Variants in NPR3 observed in about 807,000 individuals in gnomAD.
The protein encoded by NPR3 is natriuretic peptide receptor 3.
Under a neutral mutation model 54.5 loss-of-function variants are expected in NPR3, and 34 were observed. The observed-to-expected ratio is 0.62, with a 90% CI of 0.47 to 0.83. The LOEUF (loss-of-function observed/expected upper bound fraction) is 0.83, where lower values mean the gene tolerates loss of function less well. Ranked by LOEUF, NPR3 falls within the 40% of genes least tolerant of loss-of-function variation. The pLI, the probability that NPR3 is intolerant of heterozygous loss-of-function variation, is 0.00. For synonymous variants in NPR3, 289 were observed against 297.1 expected, an observed-to-expected ratio of 0.97 and a Z score of 0.28; for missense variants, 674 against 720.8, an observed-to-expected ratio of 0.94 and a Z score of 0.74.
intron 4 of NPR3, 128 bp from the exon 5 acceptor site, chr5:32,780,592 CAG>C (rs1742286428): frequency 1.4e-6 from 1 of 705,818 alleles, no homozygotes; most frequent in Non-Finnish European, 2.6e-6. Context: ...CAAAAATGCT[CAG>C]AGTCTGATGA....
Position 32,711,482 on chromosome 5 carries a change from G to A in NPR3, c.-295G>A. ...TAAGCAAAATAGTATATGTATAAAC[G>A]GAGGGCGAATATATACAAGTATATA... On this transcript the variant is annotated 5_prime_UTR_variant, in exon 1 of 8. Coordinates refer to ENST00000265074, the MANE Select transcript of NPR3 (RefSeq NM_001204375.2). 1 of 1,133,714 alleles carries A rather than the reference G, an allele frequency of 8.8e-7. No homozygotes were observed. The highest frequency in any genetic ancestry group is 1.1e-6 in the Non-Finnish European group (1 of 927,670). 70.2% of individuals were successfully genotyped at this position (1,133,714 alleles called of 1,614,324 possible). A position where few individuals can be genotyped will look rare whatever the true frequency, so the allele number is the denominator to read the frequency against.
rs569850448 is a variant in NPR3 at position 32,712,185 on chromosome 5, G to A, written c.409G>A (p.Glu137Lys). The A allele has an allele frequency of 3.1e-6, 5 of 1,613,036 alleles. No homozygotes were observed. The highest frequency in any genetic ancestry group is 1.3e-5 in the African/African-American group (1 of 75,054). Residue 137 changes from glutamate to lysine, a missense_variant, in exon 1 of 8, where the codon GAG becomes AAG. Transcript: ENST00000265074. The stretch of plus-strand genomic sequence containing the variant: ...AGACCTTATCCTGGGGCCAGTGTGC[G>A]AGTATGCAGCAGCGCCAGTGGCCCG... Reference protein sequence around the residue: ...KPDLILGPVCEYAAAPVARLA... With the variant: ...KPDLILGPVCKYAAAPVARLA...
intron 2 of NPR3, among the ~76,000 whole-genome samples, chr5:32,734,974 G>T (rs1404772589): frequency 6.6e-6 from 1 of 151,926 alleles, no homozygotes; most frequent in African/African-American, 2.4e-5. Flanking sequence ...TACTCCTCTT[G>T]CCCACTAAAA....
At position 32,787,306 on chromosome 5, in the gene NPR3, A is replaced by G. The variant is rs1227126072; in HGVS notation, c.*961A>G. The G allele has an allele frequency of 6.6e-6, 1 of 152,348 alleles. No individual in the cohort carries two copies. Among genetic ancestry groups the G allele is most frequent in the Non-Finnish European group, 1.5e-5 (1 of 68,048 alleles). The allele number at this position is 152,348 out of a possible 1,614,324, so 9.4% of individuals were successfully genotyped here. On this transcript the variant is annotated 3_prime_UTR_variant, in exon 8 of 8. Coordinates refer to ENST00000265074, the MANE Select transcript of NPR3 (RefSeq NM_001204375.2). ...CAGATTACAAACTCTACAGGAATAC[A>G]TCAACATTTTAACTCTTTTGCGTTT... is the stretch of plus-strand genomic sequence containing the variant.
chr5:32,710,850 C>G (rs371482444), upstream of NPR3: 411 of 1,206,590 alleles, frequency 3.4e-4, 2 homozygotes, highest in Middle Eastern at 0.014. Flanking sequence ...TCCCTTTCCC[C>G]CAGTCCTGGT....
chr5:32,772,949 G>A (rs187216627), intron 3 of NPR3, among the ~76,000 whole-genome samples: 3 of 152,230 alleles, frequency 2.0e-5, no homozygotes, highest in South Asian at 2.1e-4. Context: ...TGGCAAACAC[G>A]AAATATCTGC....
In NPR3 at chr5:32,780,814, G is replaced by A; in HGVS notation, c.1288G>A (p.Glu430Lys). ...AMTDVEAGTQ[E>K]VIGDYFGKEG... ...GACTGATGTGGAGGCGGGCACCCAG[G>A]AGGTGAGCACGTGAGACCTCTGCAC... The change falls in exon 5 of 8, where the codon GAG (glutamate) becomes AAG (lysine). Residue 430 changes from glutamate to lysine, a missense_variant and splice_region_variant. Physicochemically the swap from Glu to Lys is moderately conservative, Grantham distance 56. Transcript: ENST00000265074. The A allele has an allele frequency of 6.7e-7, 1 of 1,489,482 alleles. No homozygotes were observed. Among genetic ancestry groups the A allele is most frequent in the Non-Finnish European group, 9.4e-7 (1 of 1,066,254 alleles). The allele number at this position is 1,489,482 out of a possible 1,614,324, so 92.3% of individuals were successfully genotyped here.
intron 4 of NPR3, among the ~76,000 whole-genome samples, chr5:32,780,127 A>C (rs920762005): frequency 3.3e-5 from 5 of 152,246 alleles, no homozygotes; most frequent in Non-Finnish European, 7.3e-5. Flanking sequence ...TGCAGCACTA[A>C]TTCAGTACTA....
rs72740649 is a variant in NPR3 at position 32,726,018 on chromosome 5, C to T, written c.892+1198C>T. On this transcript the variant is annotated intron_variant, in intron 2 of 7. Coordinates refer to ENST00000265074, the MANE Select transcript of NPR3 (RefSeq NM_001204375.2). ...AAGATAACAGGTACAAGACATTTCT[C>T]CCCCAAATGTGGTTAGGGCTCTCTC... 1.5e-3 allele frequency among the ~76,000 whole-genome samples: 227 copies of T among 152,262 alleles called. 1 individual carries two copies. The highest frequency in any genetic ancestry group is 2.4e-3 in the Non-Finnish European group (164 of 68,008).
At chr5:32,694,149 G>T (rs977210958) in intron 1 of NPR3, among the ~76,000 whole-genome samples, 1 of 152,200 alleles carries the variant, frequency 6.6e-6, no homozygotes, top group Non-Finnish European at 1.5e-5. Context: ...GTAAGAGAAA[G>T]AATATTGAAC....
At chr5:32,776,716 C>G (rs146731441) in intron 4 of NPR3, among the ~76,000 whole-genome samples, 134 of 152,288 alleles carry the variant, frequency 8.8e-4, no homozygotes, top group African/African-American at 3.2e-3. Context: ...GTTCAAGGTG[C>G]TGAGGATTCA....
At chr5:32,772,103 G>C (rs1344300230) in intron 3 of NPR3, among the ~76,000 whole-genome samples, 1 of 152,188 alleles carries the variant, frequency 6.6e-6, no homozygotes, top group African/African-American at 2.4e-5. Flanking sequence ...AATTGGCATA[G>C]CCAAATGAGC....
At chr5:32,740,877 C>T (rs999663614) in intron 3 of NPR3, among the ~76,000 whole-genome samples, 4 of 151,912 alleles carry the variant, frequency 2.6e-5, no homozygotes, top group African/African-American at 7.2e-5. Flanking sequence ...ACAGAGCCTA[C>T]GTTTAAGGAA....
intron 3 of NPR3, among the ~76,000 whole-genome samples, chr5:32,760,279 A>G (rs1043450700): frequency 1.3e-5 from 2 of 152,192 alleles, no homozygotes; most frequent in African/African-American, 4.8e-5. Flanking sequence ...TAACTTTATA[A>G]GAAGCTGTCA....
At chr5:32,746,741 G>T (rs541695561) in intron 3 of NPR3, among the ~76,000 whole-genome samples, 1 of 152,292 alleles carries the variant, frequency 6.6e-6, no homozygotes, top group South Asian at 2.1e-4. Flanking sequence ...GTGGGAGACA[G>T]ATTTTCCTCT....
intron 3 of NPR3, among the ~76,000 whole-genome samples, chr5:32,747,186 A>G (rs1267573502): frequency 6.6e-6 from 1 of 152,162 alleles, no homozygotes; most frequent in Non-Finnish European, 1.5e-5. Context: ...CCACATTTCT[A>G]AAATTGATTA....
rs763588439 is a variant in NPR3 at position 32,738,901 on chromosome 5, T to C, written c.930T>C (p.Phe310=). 5.6e-6 allele frequency: 9 copies of C among 1,613,928 alleles called. No individual in the cohort carries two copies. The East Asian group carries it at 1.1e-4, about 20-fold the overall frequency. The part of the protein sequence containing the change: ...GSWKRGDKHD[F]EAKQAYSSLQ... ...GGAAGAGAGGAGACAAACACGACTT[T>C]GAAGCTAAGCAAGCATACTCGTCCC... Residue 310 remains phenylalanine (F), a synonymous_variant, in exon 3 of 8, where the codon TTT becomes TTC. Coordinates refer to ENST00000265074, the MANE Select transcript of NPR3 (RefSeq NM_001204375.2).
At chr5:32,761,867 C>T (rs758773296) in intron 3 of NPR3, among the ~76,000 whole-genome samples, 3 of 151,428 alleles carry the variant, frequency 2.0e-5, no homozygotes, top group Non-Finnish European at 2.9e-5. Context: ...TAGGTATACA[C>T]GTGCCATGGT....
intron 3 of NPR3, among the ~76,000 whole-genome samples, chr5:32,771,010 A>C (rs1309097851): frequency 6.6e-6 from 1 of 150,806 alleles, no homozygotes; most frequent in Non-Finnish European, 1.5e-5. Context: ...TTCAGCCTGG[A>C]GGGCCAATAG....
Sources: allele counts gnomAD v4.1 joint callset (sites outside exome capture counted in the v4.1 genomes callset), GRCh38; gene constraint gnomAD v4.1.1; transcripts MANE v1.5; gene names NCBI Gene and HGNC (gene_info 2026-07-23, HGNC 2026-07-21).